Variants in PITPNC1 observed in about 807,000 individuals in gnomAD.
The protein encoded by PITPNC1 is phosphatidylinositol transfer protein cytoplasmic 1.
A neutral mutation model predicts 44.7 loss-of-function variants in PITPNC1; 18 were observed. The observed-to-expected ratio is 0.40, with a 90% CI of 0.28 to 0.60. The LOEUF (loss-of-function observed/expected upper bound fraction) is 0.60, where lower values mean the gene tolerates loss of function less well. Among genes scored for constraint, PITPNC1 ranks in the 20% least tolerant of loss-of-function variants. The pLI, the probability that PITPNC1 is intolerant of heterozygous loss-of-function variation, is 0.39. For synonymous variants in PITPNC1, 141 were observed against 149.6 expected (o/e 0.94, Z 0.42); for missense variants, 290 against 418.4 (o/e 0.69, Z 2.68).
Position 67,408,346 on chromosome 17 carries a change from A to G in PITPNC1, c.48+30144A>G, listed in dbSNP as rs141045612. 5.1e-3 allele frequency among the ~76,000 whole-genome samples: 775 copies of G among 150,868 alleles called. 4 individuals are homozygous for G. Among genetic ancestry groups the G allele is most frequent in the Middle Eastern group, 0.014 (4 of 292 alleles). On this transcript the variant is annotated intron_variant, in intron 1 of 8. Coordinates refer to ENST00000581322, the MANE Select transcript of PITPNC1 (RefSeq NM_012417.4). Reference sequence around the variant, plus strand: ...TTTGAGACCAACCAGCCTGGCCAACATGGTGAAACCCCGTCTCTACTAAAA... The same window carrying G: ...TTTGAGACCAACCAGCCTGGCCAACGTGGTGAAACCCCGTCTCTACTAAAA...
intron 1 of PITPNC1, among the ~76,000 whole-genome samples, chr17:67,470,374 T>A (rs1187513433): frequency 6.6e-6 from 1 of 152,242 alleles, no homozygotes; most frequent in Non-Finnish European, 1.5e-5. Flanking sequence ...CTTGTGACTT[T>A]TAGCTGTCAA....
At chr17:67,504,588 A>G (rs1420232893) in intron 1 of PITPNC1, among the ~76,000 whole-genome samples, 1 of 152,338 alleles carries the variant, frequency 6.6e-6, no homozygotes, top group Non-Finnish European at 1.5e-5. Flanking sequence ...TGACAAAGCA[A>G]TGCTTACGAT....
intron 5 of PITPNC1, among the ~76,000 whole-genome samples, chr17:67,587,600 T>G (rs2144250315): frequency 1.3e-5 from 2 of 152,318 alleles, no homozygotes; most frequent in East Asian, 3.9e-4. Context: ...AAGAGAAGTT[T>G]CTAGATGCTC....
At chr17:67,462,221 CTTTCTTTTTTTTTT>C (rs1286746275) in intron 1 of PITPNC1, among the ~76,000 whole-genome samples, 6 of 86,492 alleles carry the variant, frequency 6.9e-5, no homozygotes, top group African/African-American at 2.8e-4. Context: ...CTCTTTCTTT[CTTTCTTTTTTTTTT>C]TTTTTTTTTT....
chr17:67,470,504 T>A (rs886695313), intron 1 of PITPNC1, among the ~76,000 whole-genome samples: 1 of 152,274 alleles, frequency 6.6e-6, no homozygotes, highest in Non-Finnish European at 1.5e-5. Flanking sequence ...AGATGTAGTC[T>A]CTTGTGTCTC....
chr17:67,378,132 G>A lies in PITPNC1; in HGVS notation c.-23G>A. 2 of 1,523,524 alleles carry A rather than the reference G, an allele frequency of 1.3e-6. No homozygotes were observed. The highest frequency in any genetic ancestry group is 1.8e-6 in the Non-Finnish European group (2 of 1,135,828). The allele number at this position is 1,523,524 out of a possible 1,614,324, so 94.4% of individuals were successfully genotyped here. ...GGGGGCGCCCCCCGCTTCCCGCCCCGGGGGTCCGCGGCCGGCAGGACCATG... is the reference window on the plus strand; with the variant it reads ...GGGGGCGCCCCCCGCTTCCCGCCCCAGGGGTCCGCGGCCGGCAGGACCATG... On this transcript the variant is annotated 5_prime_UTR_variant, in exon 1 of 9. Transcript: ENST00000581322.
intron 1 of PITPNC1, among the ~76,000 whole-genome samples, chr17:67,467,474 C>G (rs1303538399): frequency 1.3e-5 from 2 of 152,144 alleles, no homozygotes; most frequent in Non-Finnish European, 2.9e-5. Context: ...TCCAGAGTGA[C>G]TGGAGTATTA....
chr17:67,478,131 A>C (rs2039656273), intron 1 of PITPNC1, among the ~76,000 whole-genome samples: 1 of 152,094 alleles, frequency 6.6e-6, no homozygotes, highest in Non-Finnish European at 1.5e-5. Flanking sequence ...GAAGGTACTC[A>C]GTAGATGTTG....
chr17:67,605,369 A>G lies in PITPNC1; in HGVS notation c.367-26774A>G, dbSNP rs571744889. Reference sequence around the variant, plus strand: ...GTCCTGAACCGTTTACGGATTTTCCATGGTCTGCAAGACCTTGGACTCACG... The same window carrying G: ...GTCCTGAACCGTTTACGGATTTTCCGTGGTCTGCAAGACCTTGGACTCACG... On this transcript the variant is annotated intron_variant, in intron 5 of 8. Transcript: ENST00000581322. Among the ~76,000 whole-genome samples, 17 of 152,288 alleles carry G rather than the reference A, an allele frequency of 1.1e-4. No homozygotes were observed. In the South Asian group the frequency reaches 2.9e-3, roughly 26 times the overall value.
chr17:67,527,164 G>A (rs75032185), intron 1 of PITPNC1, among the ~76,000 whole-genome samples: 2,019 of 152,260 alleles, frequency 0.013, 20 homozygotes, highest in Middle Eastern at 0.037. Context: ...AAAGGTCAGA[G>A]GCAGTAGCTT....
intron 6 of PITPNC1, among the ~76,000 whole-genome samples, chr17:67,632,970 G>T (rs1186232813): frequency 6.6e-6 from 1 of 152,178 alleles, no homozygotes; most frequent in Non-Finnish European, 1.5e-5. Flanking sequence ...CTTTGTTCTT[G>T]GCTGAGAATA....
chr17:67,520,535 A>C (rs2040312074), intron 1 of PITPNC1, among the ~76,000 whole-genome samples: 1 of 152,196 alleles, frequency 6.6e-6, no homozygotes, highest in South Asian at 2.1e-4. Flanking sequence ...TTCTGTCTTC[A>C]AGGCAGAAAC....
At chr17:67,408,677 T>TCTTCCTTCCTTCCTTCCTTC (rs71139143) in intron 1 of PITPNC1, 18 of 79,466 alleles carry the variant, frequency 2.3e-4, no homozygotes, top group Admixed American at 6.1e-4. Context: ...GCTTTCTCTT[T>TCTTCCTTCCTTCCTTCCTTC]CTTCCTTCCT....
chr17:67,454,647 T>A (rs1298940830), intron 1 of PITPNC1, among the ~76,000 whole-genome samples: 1 of 152,056 alleles, frequency 6.6e-6, no homozygotes, highest in East Asian at 1.9e-4. Context: ...TTTTCCTAAT[T>A]GCAAAGCACC....
intron 1 of PITPNC1, among the ~76,000 whole-genome samples, chr17:67,469,342 C>A (rs1243782022): frequency 6.6e-6 from 1 of 152,152 alleles, no homozygotes; most frequent in Non-Finnish European, 1.5e-5. Context: ...CCTGTGGTCT[C>A]CGTTTTGAGC....
chr17:67,560,638 C>T (rs1222216365), intron 4 of PITPNC1, among the ~76,000 whole-genome samples: 5 of 152,224 alleles, frequency 3.3e-5, no homozygotes, highest in African/African-American at 1.2e-4. Context: ...CTCGCCTCTA[C>T]ATCTCAGCAC....
intron 1 of PITPNC1, among the ~76,000 whole-genome samples, chr17:67,473,557 C>T (rs962210311): frequency 2.0e-5 from 3 of 152,082 alleles, no homozygotes; most frequent in Middle Eastern, 3.2e-3. Flanking sequence ...CACGCCTCAG[C>T]CTCCCAAAGT....
rs565536060 is a variant in PITPNC1, at chr17:67,432,405, G to A, written c.48+54203G>A. 8.5e-5 allele frequency among the ~76,000 whole-genome samples: 13 copies of A among 152,228 alleles called. No homozygotes were observed. The South Asian group carries it at 1.0e-3, about 12-fold the overall frequency. On this transcript the variant is annotated intron_variant, in intron 1 of 8. Transcript: ENST00000581322. ...CGGGAGGCTGAGGCAGGAGAATGGC[G>A]TGAACCTGGGAGGTGGAGCTTGCAG...
At chr17:67,399,513 C>A (rs1474461393) in intron 1 of PITPNC1, among the ~76,000 whole-genome samples, 1 of 152,158 alleles carries the variant, frequency 6.6e-6, no homozygotes, top group East Asian at 1.9e-4. Context: ...ACATTTTGAA[C>A]TCGAATAAGA....
Sources: allele counts gnomAD v4.1 joint callset (sites outside exome capture counted in the v4.1 genomes callset), GRCh38; gene constraint gnomAD v4.1.1; transcripts MANE v1.5; gene names NCBI Gene and HGNC (gene_info 2026-07-23, HGNC 2026-07-21).